The following ZNF285 variants were observed in gnomAD, a reference collection of about 807,000 sequenced individuals.
ZNF285 encodes zinc finger protein 285.
A neutral mutation model predicts 6.2 loss-of-function variants in ZNF285; 4 were observed. The observed-to-expected ratio is 0.65, with a 90% CI of 0.32 to 1.49. The LOEUF (loss-of-function observed/expected upper bound fraction) is 1.49. ZNF285 is among the 40% of genes most tolerant of loss of function. The pLI, the probability that ZNF285 is intolerant of heterozygous loss-of-function variation, is 0.07. For missense variants in ZNF285, 695 were observed against 708.8 expected, an observed-to-expected ratio of 0.98 and a Z score of 0.22; for synonymous variants, 240 against 245.8, an observed-to-expected ratio of 0.98 and a Z score of 0.22.
At chr19:44,389,561 T>A (rs1568386133) in intron 3 of ZNF285, among the ~76,000 whole-genome samples, 1 of 152,190 alleles carries the variant, frequency 6.6e-6, no homozygotes, top group African/African-American at 2.4e-5. Context: ...AGCTGATACT[T>A]ACATACGATG....
At position 44,385,529 on chromosome 19, in the gene ZNF285, G is replaced by T. The variant is rs1045845518; in HGVS notation, c.*943C>A. On this transcript the variant is annotated 3_prime_UTR_variant, in exon 4 of 4. Transcript: ENST00000614994. ...TTAAAAGTTTTGAACTCTGAATTAT[G>T]TTACTTCTGTATGTGGACTCCAATG... is the stretch of plus-strand genomic sequence containing the variant. 9 of 152,144 alleles carry T rather than the reference G, an allele frequency of 5.9e-5. No individual in the cohort carries two copies. The highest frequency in any genetic ancestry group is 1.2e-4 in the Non-Finnish European group (8 of 68,028). The allele number at this position is 152,144 out of a possible 1,614,324, so 9.4% of individuals were successfully genotyped here.
chr19:44,397,283 T>A, intron 1 of ZNF285, 27 bp from the exon 2 acceptor site: 2 of 1,612,864 alleles, frequency 1.2e-6, no homozygotes, highest in South Asian at 2.2e-5. Flanking sequence ...ATCCATGAGA[T>A]CATGGGTTCA....
At position 44,387,702 on chromosome 19, in the gene ZNF285, A is replaced by T; in HGVS notation, c.543T>A (p.His181Gln). The T allele has an allele frequency of 6.2e-7, 1 of 1,613,854 alleles. No homozygotes were observed. The highest frequency in any genetic ancestry group is 1.1e-5 in the South Asian group (1 of 91,076). The change falls in exon 4 of 4, where the codon CAT becomes CAA. Residue 181 changes from histidine (H) to glutamine (Q), a missense_variant. Physicochemically the swap from His to Gln is conservative, Grantham distance 24. Coordinates refer to ENST00000614994, the MANE Select transcript of ZNF285 (RefSeq NM_152354.6). ...ATGAGGTCCAACTGAGGCTGTCATCATGCTGAGCACGTCTGTACAATTTCT... is the reference window on the plus strand; with the variant it reads ...ATGAGGTCCAACTGAGGCTGTCATCTTGCTGAGCACGTCTGTACAATTTCT... ...MEEKLYRRAQ[H>Q]DDSLSWTSCD...
intron 3 of ZNF285, among the ~76,000 whole-genome samples, chr19:44,389,368 G>A (rs987543427): frequency 2.6e-5 from 4 of 152,126 alleles, no homozygotes; most frequent in African/African-American, 9.7e-5. Flanking sequence ...TTGTTTTATT[G>A]AAAGTGACTT....
intron 3 of ZNF285, among the ~76,000 whole-genome samples, chr19:44,388,510 TG>T (rs1295931307): frequency 6.6e-6 from 1 of 151,952 alleles, no homozygotes; most frequent in African/African-American, 2.4e-5. Flanking sequence ...AGGCACAGGT[TG>T]CAGTGAGCCA....
chr19:44,388,134 A>C lies in ZNF285; in HGVS notation c.143-32T>G, dbSNP rs765653884. Reference sequence around the variant, plus strand: ...GAAGAAAGAGAATTTGGCTAAGAGAACAAGTCAATCATCCATCCAGAGGTT... The same window carrying C: ...GAAGAAAGAGAATTTGGCTAAGAGACCAAGTCAATCATCCATCCAGAGGTT... On this transcript the variant is annotated intron_variant, in intron 3 of 3. Coordinates refer to ENST00000614994, the MANE Select transcript of ZNF285 (RefSeq NM_152354.6). 15 of 1,587,510 alleles carry C rather than the reference A, an allele frequency of 9.4e-6. No homozygotes were observed. The East Asian group carries it at 1.8e-4, about 19-fold the overall frequency.
At position 44,385,461 on chromosome 19, in the gene ZNF285, T is replaced by C. The variant is rs957599247; in HGVS notation, c.*1011A>G. 1 of 152,244 alleles carries C rather than the reference T, an allele frequency of 6.6e-6. No individual in the cohort carries two copies. Among genetic ancestry groups the C allele is most frequent in the African/African-American group, 2.4e-5 (1 of 41,462 alleles). 9.4% of individuals were successfully genotyped at this position (152,244 alleles called of 1,614,324 possible). ...GTTATCACTGAAGAAGTCCCATCCA[T>C]ACCATTTTAGATGGTTGCACTGCCA... On this transcript the variant is annotated 3_prime_UTR_variant, in exon 4 of 4. Transcript: ENST00000614994.
intron 2 of ZNF285, among the ~76,000 whole-genome samples, chr19:44,394,073 T>C (rs1568388229): frequency 6.6e-6 from 1 of 152,092 alleles, no homozygotes. Context: ...TGGAATACTA[T>C]GCAGCCATAA....
chr19:44,391,341 G>C (rs1166752006), intron 3 of ZNF285, among the ~76,000 whole-genome samples: 2 of 151,922 alleles, frequency 1.3e-5, no homozygotes, highest in Admixed American at 6.6e-5. Context: ...TGTGAAAACA[G>C]AGTAATACAT....
At chr19:44,397,865 C>G (rs12151064) in intron 1 of ZNF285, among the ~76,000 whole-genome samples, 58,703 of 143,984 alleles carry the variant, frequency 0.41, 15,588 homozygotes, top group East Asian at 0.75. Context: ...GCAACAGAGA[C>G]AGACTTTGTC....
intron 3 of ZNF285, among the ~76,000 whole-genome samples, chr19:44,390,265 C>T (rs1166177247): frequency 1.3e-5 from 2 of 152,154 alleles, no homozygotes; most frequent in Non-Finnish European, 2.9e-5. Flanking sequence ...AGAAGGGAGG[C>T]TATACTCTGC....
chr19:44,386,620 C>CACTT lies in ZNF285; in HGVS notation c.1621_1624dup (p.Cys542Ter), dbSNP rs1568382838. 1 of 1,614,184 alleles carries CACTT rather than the reference C, an allele frequency of 6.2e-7. No homozygotes were observed. The highest frequency in any genetic ancestry group is 8.5e-7 in the Non-Finnish European group (1 of 1,180,030). On this transcript the variant is annotated stop_gained and frameshift_variant, in exon 4 of 4. Coordinates refer to ENST00000614994, the MANE Select transcript of ZNF285 (RefSeq NM_152354.6). LOFTEE classifies it low-confidence loss of function (END_TRUNC). ...ACTGAAGCCCTTACCACATGCCTTA[C>CACTT]ACTTATAGGGCCTCTCTCCTGTGTG...
intron 3 of ZNF285, among the ~76,000 whole-genome samples, chr19:44,388,479 G>T (rs1485052361): frequency 6.6e-6 from 1 of 151,714 alleles, no homozygotes; most frequent in Non-Finnish European, 1.5e-5. Flanking sequence ...ATCTGAGGTT[G>T]GAGGATTGCT....
rs973693227 is a variant in ZNF285 at position 44,385,023 on chromosome 19, A to G, written c.*1449T>C. 6.7e-5 allele frequency: 10 copies of G among 148,750 alleles called. No individual in the cohort carries two copies. Among genetic ancestry groups the G allele is most frequent in the African/African-American group, 2.3e-4 (9 of 39,660 alleles). The allele number at this position is 148,750 out of a possible 1,614,324, so 9.2% of individuals were successfully genotyped here. ...TCCAAAAAAAAAAAAAAAAAAAAAA[A>G]GCAAAGAGATCTCCTCTCGAATTCA... is the stretch of plus-strand genomic sequence containing the variant. On this transcript the variant is annotated 3_prime_UTR_variant, in exon 4 of 4. Coordinates refer to ENST00000614994, the MANE Select transcript of ZNF285 (RefSeq NM_152354.6).
rs554587205 is a variant in ZNF285 at position 44,396,294 on chromosome 19, G to A, written c.15+905C>T. 5.9e-5 allele frequency among the ~76,000 whole-genome samples: 9 copies of A among 152,160 alleles called. No individual in the cohort carries two copies. In the East Asian group the frequency reaches 1.7e-3, roughly 29 times the overall value. On this transcript the variant is annotated intron_variant, in intron 2 of 3. Transcript: ENST00000614994. ...CTGCATGATGGGTACTGCAAATGGA[G>A]GATCATAATACCATTTGCTCTTTTT...
At chr19:44,392,735 T>A in intron 2 of ZNF285, 1 of 591,986 alleles carries the variant, frequency 1.7e-6, no homozygotes, top group Non-Finnish European at 3.1e-6. Context: ...GAGGCTCTCA[T>A]AAGGACACTA....
In ZNF285 at chr19:44,386,466, C is replaced by T. The variant is rs1299696021; in HGVS notation, c.*6G>A. The T allele has an allele frequency of 1.2e-6, 2 of 1,606,320 alleles. No homozygotes were observed. The highest frequency in any genetic ancestry group is 2.7e-5 in the African/African-American group (2 of 74,826). On this transcript the variant is annotated 3_prime_UTR_variant, in exon 4 of 4. Transcript: ENST00000614994. ...GTTTTACTAATTGAACCCTGACTTA[C>T]TACATTTATAATGTTTCTCTCTGCT...
intron 1 of ZNF285, among the ~76,000 whole-genome samples, chr19:44,399,751 G>A (rs1971345162): frequency 1.3e-5 from 2 of 151,776 alleles, no homozygotes; most frequent in Admixed American, 1.3e-4. Context: ...AATTTGAGGA[G>A]AGTTTAATAA....
At chr19:44,396,663 C>T (rs945724914) in intron 2 of ZNF285, 22 of 153,400 alleles carry the variant, frequency 1.4e-4, no homozygotes, top group South Asian at 6.1e-4. Flanking sequence ...TGAGGGGCTG[C>T]CCTGTGGATT....
Sources: allele counts gnomAD v4.1 joint callset (sites outside exome capture counted in the v4.1 genomes callset), GRCh38; gene constraint gnomAD v4.1.1; transcripts MANE v1.5; gene names NCBI Gene and HGNC (gene_info 2026-07-23, HGNC 2026-07-21).